CDH22: variants seen among roughly 807,000 people sequenced by gnomAD.
The protein encoded by CDH22 is cadherin-22.
CDH22 carries 30 observed loss-of-function variants against 58.4 expected under a neutral mutation model. The observed-to-expected ratio is 0.51, with a 90% CI of 0.38 to 0.70. The LOEUF (loss-of-function observed/expected upper bound fraction) is 0.70, where lower values mean the gene tolerates loss of function less well. Ranked by LOEUF, CDH22 falls within the 30% of genes least tolerant of loss-of-function variation. The probability of loss-of-function intolerance (pLI) is 0.00; values close to 1 mark genes in which losing one functional copy is unlikely to be tolerated. For synonymous variants in CDH22, 513 were observed against 558.2 expected (o/e 0.92, Z 1.14); for missense variants, 1,014 against 1,233.9 (o/e 0.82, Z 2.67).
rs140430092 is a variant in CDH22 at position 46,263,703 on chromosome 20, G to A, written c.-399-12010C>T. ...TGTGCAGAGCCATATTTAGGGGACC[G>A]AAAGGCCAGGGGAAGAGCAGAGTGT... On this transcript the variant is annotated intron_variant, in intron 1 of 11. Transcript: ENST00000537909. Among the ~76,000 whole-genome samples, 383 of 152,228 alleles carry A rather than the reference G, an allele frequency of 2.5e-3. 5 individuals carry two copies. In the East Asian group the frequency reaches 0.036, roughly 14 times the overall value.
intron 4 of CDH22, among the ~76,000 whole-genome samples, chr20:46,218,701 C>A (rs547147572): frequency 6.6e-6 from 1 of 152,172 alleles, no homozygotes; most frequent in Non-Finnish European, 1.5e-5. Flanking sequence ...CAGCTAATCA[C>A]GGAGCAGACA....
intron 1 of CDH22, among the ~76,000 whole-genome samples, chr20:46,286,781 C>T (rs1288279822): frequency 1.3e-5 from 2 of 152,172 alleles, no homozygotes; most frequent in Non-Finnish European, 2.9e-5. Context: ...CTATATCTGT[C>T]TAACATCCTT....
intron 1 of CDH22, among the ~76,000 whole-genome samples, chr20:46,255,252 T>A (rs1266210169): frequency 6.6e-6 from 1 of 152,114 alleles, no homozygotes; most frequent in Non-Finnish European, 1.5e-5. Context: ...CCTCAGGTGA[T>A]CCACCCACCT....
At chr20:46,265,540 T>C (rs1228873468) in intron 1 of CDH22, among the ~76,000 whole-genome samples, 1 of 152,216 alleles carries the variant, frequency 6.6e-6, no homozygotes, top group East Asian at 1.9e-4. Flanking sequence ...CTGGCTTTTA[T>C]GACTAGTTCC....
intron 10 of CDH22, 58 bp from the exon 11 acceptor site, chr20:46,178,255 C>A: frequency 6.4e-7 from 1 of 1,569,684 alleles, no homozygotes; most frequent in Admixed American, 1.7e-5. Context: ...CATCCTTGTC[C>A]TAGCCACCTC....
chr20:46,206,631 C>A (rs530469172), intron 7 of CDH22, among the ~76,000 whole-genome samples: 73 of 152,186 alleles, frequency 4.8e-4, no homozygotes, highest in Non-Finnish European at 5.9e-4. Flanking sequence ...TCATTCTGAT[C>A]TCAGCTCATG....
intron 1 of CDH22, among the ~76,000 whole-genome samples, chr20:46,263,237 A>T (rs934388267): frequency 6.6e-6 from 1 of 152,226 alleles, no homozygotes; most frequent in South Asian, 2.1e-4. Flanking sequence ...ACGGAAGGAC[A>T]CATGATGGGG....
intron 7 of CDH22, among the ~76,000 whole-genome samples, chr20:46,209,085 G>T (rs2086020808): frequency 6.6e-6 from 1 of 152,210 alleles, no homozygotes; most frequent in Non-Finnish European, 1.5e-5. Context: ...GGTGATGAAA[G>T]GTAATAAGGA....
rs547074596 is a variant in CDH22, at chr20:46,174,238, C to T, written c.*268G>A. 1 of 457,950 alleles carries T rather than the reference C, an allele frequency of 2.2e-6. No individual in the cohort carries two copies. The highest frequency in any genetic ancestry group is 3.8e-6 in the Non-Finnish European group (1 of 262,900). The allele number at this position is 457,950 out of a possible 1,614,324, so 28.4% of individuals were successfully genotyped here. A position where few individuals can be genotyped will look rare whatever the true frequency, so the allele number is the denominator to read the frequency against. ...GACTCTGCAACGCCACCCCCATCTC[C>T]CATTCTAACCCCAGAGCCACACCGT... On this transcript the variant is annotated 3_prime_UTR_variant, in exon 12 of 12. Transcript: ENST00000537909. This position sits in a 1 kb window ranked among gnomAD's most constrained non-coding sequence, Gnocchi z 4.4.
intron 1 of CDH22, among the ~76,000 whole-genome samples, chr20:46,287,373 G>T (rs2086581023): frequency 1.3e-5 from 2 of 152,174 alleles, no homozygotes; most frequent in Admixed American, 1.3e-4. Context: ...ATGCGATGAT[G>T]ACTATAAAAG....
rs940984068 is a variant in CDH22 at position 46,303,911 on chromosome 20, G to A, written c.-400+4344C>T. The stretch of plus-strand genomic sequence containing the variant: ...CTCTGGTTGCCGCAGGGGTTGCAGC[G>A]GGAGGGTATCAGAGGCTGGGAGACC... On this transcript the variant is annotated intron_variant, in intron 1 of 11. Transcript: ENST00000537909. Among the ~76,000 whole-genome samples, 9 of 152,160 alleles carry A rather than the reference G, an allele frequency of 5.9e-5. No homozygotes were observed. The South Asian group carries it at 1.2e-3, about 21-fold the overall frequency.
chr20:46,212,016 C>T (rs1406035640), intron 6 of CDH22, among the ~76,000 whole-genome samples: 1 of 152,112 alleles, frequency 6.6e-6, no homozygotes, highest in Non-Finnish European at 1.5e-5. Flanking sequence ...AGCACTTTAT[C>T]ACAAGTAGTA....
intron 1 of CDH22, among the ~76,000 whole-genome samples, chr20:46,302,607 A>T (rs932489180): frequency 6.6e-6 from 1 of 152,104 alleles, no homozygotes; most frequent in Admixed American, 6.5e-5. Context: ...GCGCCTCAAG[A>T]TTCTTTCCAT....
At chr20:46,224,640 T>A (rs1339907747) in intron 4 of CDH22, among the ~76,000 whole-genome samples, 5 of 152,226 alleles carry the variant, frequency 3.3e-5, no homozygotes, top group African/African-American at 4.8e-5. Flanking sequence ...GTAGCTTTCT[T>A]AATTTACACT....
At chr20:46,305,051 T>TG (rs2086668280) in intron 1 of CDH22, among the ~76,000 whole-genome samples, 1 of 152,218 alleles carries the variant, frequency 6.6e-6, no homozygotes, top group South Asian at 2.1e-4. Context: ...ATAACAGCCA[T>TG]GCCTCCAGCC....
At chr20:46,226,001 A>T (rs2086168365) in intron 4 of CDH22, among the ~76,000 whole-genome samples, 1 of 151,922 alleles carries the variant, frequency 6.6e-6, no homozygotes. Context: ...CCCCAACCCC[A>T]CTTCCCAGCT....
chr20:46,181,106 G>A (rs2085781021), intron 10 of CDH22, among the ~76,000 whole-genome samples: 1 of 152,078 alleles, frequency 6.6e-6, no homozygotes, highest in Admixed American at 6.6e-5. Flanking sequence ...TAACTACTAT[G>A]TGCTAGGCAC....
In CDH22 at chr20:46,180,876, G is replaced by A. The variant is rs149006928; in HGVS notation, c.1664-2679C>T. 1.4e-3 allele frequency among the ~76,000 whole-genome samples: 206 copies of A among 151,836 alleles called. 2 individuals carry two copies. The highest frequency in any genetic ancestry group is 4.6e-3 in the African/African-American group (190 of 41,340). On this transcript the variant is annotated intron_variant, in intron 10 of 11. Coordinates refer to ENST00000537909, the MANE Select transcript of CDH22 (RefSeq NM_021248.3). ...AGCTTCCTGAGTACCTAGGACTACAGGTATGCACCACCATGCTCAGCTAAT... is the reference window on the plus strand; with the variant it reads ...AGCTTCCTGAGTACCTAGGACTACAAGTATGCACCACCATGCTCAGCTAAT...
chr20:46,204,700 C>T (rs568785120), intron 7 of CDH22, among the ~76,000 whole-genome samples: 3 of 152,214 alleles, frequency 2.0e-5, no homozygotes, highest in East Asian at 1.9e-4. Flanking sequence ...TGTTCAGAGC[C>T]GGAGGTCTAA....
Sources: allele counts gnomAD v4.1 joint callset (sites outside exome capture counted in the v4.1 genomes callset), GRCh38; gene constraint gnomAD v4.1.1; non-coding constraint Gnocchi (gnomAD v3.1); transcripts MANE v1.5; gene names NCBI Gene and HGNC (gene_info 2026-07-23, HGNC 2026-07-21).